Variants in WDR59 observed in about 807,000 individuals in gnomAD.
WDR59 encodes the protein GATOR2 complex protein WDR59.
WDR59 carries 100 observed loss-of-function variants against 131.2 expected under a neutral mutation model. The ratio of observed to expected loss-of-function variants is 0.76; its 90% confidence interval spans 0.65 to 0.90. The LOEUF is 0.90. WDR59 is among the 40% of genes least tolerant of loss of function. WDR59 has a pLI of 0.00. For synonymous variants in WDR59, 601 were observed against 466.2 expected (o/e 1.29, Z -3.72); for missense variants, 1,203 against 1,262.2 (o/e 0.95, Z 0.71).
intron 25 of WDR59, among the ~76,000 whole-genome samples, chr16:74,884,757 C>T (rs1255206977): frequency 1.3e-5 from 2 of 152,326 alleles, no homozygotes; most frequent in East Asian, 1.9e-4. Flanking sequence ...AACCACACCA[C>T]GCCACCTTCC....
chr16:74,981,641 T>TATATATATAC (rs2034421149), intron 1 of WDR59, among the ~76,000 whole-genome samples: 7 of 50,212 alleles, frequency 1.4e-4, no homozygotes, highest in East Asian at 8.2e-4. Context: ...TATATATATA[T>TATATATATAC]ATATATATAT....
intron 6 of WDR59, among the ~76,000 whole-genome samples, chr16:74,945,292 C>T (rs533329288): frequency 2.0e-5 from 3 of 151,218 alleles, no homozygotes; most frequent in South Asian, 2.1e-4. Context: ...CTGGCTAACA[C>T]AGTGAAACCC....
In WDR59 at chr16:74,904,312, G is replaced by A; in HGVS notation, c.1713-212C>T. On this transcript the variant is annotated intron_variant, in intron 17 of 25. Transcript: ENST00000262144. Reference sequence around the variant, plus strand: ...TGATTACAGACATAAAAAATTCAAAGGAATCTACAAACTACTAGAATAAGT... The same window carrying A: ...TGATTACAGACATAAAAAATTCAAAAGAATCTACAAACTACTAGAATAAGT... 7.5e-6 allele frequency: 4 copies of A among 533,436 alleles called. No individual in the cohort carries two copies. In the East Asian group the frequency reaches 1.0e-4, roughly 14 times the overall value. The allele number at this position is 533,436 out of a possible 1,614,324, so 33.0% of individuals were successfully genotyped here. A position where few individuals can be genotyped will look rare whatever the true frequency, so the allele number is the denominator to read the frequency against.
At chr16:74,920,967 C>A (rs1293884737) in intron 10 of WDR59, among the ~76,000 whole-genome samples, 2 of 152,034 alleles carry the variant, frequency 1.3e-5, no homozygotes, top group Non-Finnish European at 2.9e-5. Context: ...CTCTTGGCAT[C>A]GTTTTCTTTC....
intron 2 of WDR59, chr16:74,963,034 T>C (rs575580966): frequency 5.9e-5 from 9 of 152,268 alleles, no homozygotes; most frequent in East Asian, 3.9e-4. Context: ...GGTGGGTGGA[T>C]TGTCTGAGTT....
chr16:74,966,391 A>G (rs1039948737), intron 1 of WDR59, among the ~76,000 whole-genome samples: 3 of 152,086 alleles, frequency 2.0e-5, no homozygotes, highest in Non-Finnish European at 2.9e-5. Flanking sequence ...GAGGCAGGAG[A>G]ATCGCTTGAA....
chr16:74,964,849 G>A (rs1490320148), intron 2 of WDR59, among the ~76,000 whole-genome samples: 4 of 152,074 alleles, frequency 2.6e-5, no homozygotes, highest in Non-Finnish European at 5.9e-5. Flanking sequence ...GATCACCTGA[G>A]GTCAGGAGTT....
At chr16:74,984,938 A>G (rs764988467) in intron 1 of WDR59, 26 bp downstream of exon 1, 1 of 1,600,746 alleles carries the variant, frequency 6.2e-7, no homozygotes, top group Admixed American at 1.7e-5. Flanking sequence ...GCATGCCCAG[A>G]GGGCTCCACT....
In WDR59 at chr16:74,929,160, G is replaced by A. The variant is rs199650018; in HGVS notation, c.652-5157C>T. Among the ~76,000 whole-genome samples the A allele has an allele frequency of 7.8e-4, 119 of 152,084 alleles. 1 individual carries two copies. In the East Asian group the frequency reaches 0.011, roughly 14 times the overall value. The stretch of plus-strand genomic sequence containing the variant: ...TACAATCTCCGCTCACGGCAAGCTC[G>A]TCCTCCCGGGTTCATGCCATTCTCC... On this transcript the variant is annotated intron_variant, in intron 8 of 25. Transcript: ENST00000262144.
chr16:74,908,637 G>C, intron 17 of WDR59: 1 of 359,602 alleles, frequency 2.8e-6, no homozygotes, highest in Non-Finnish European at 4.9e-6. Context: ...CTAGCAATAG[G>C]GGAAAGGCAC....
intron 12 of WDR59, 40 bp from the exon 13 acceptor site, chr16:74,916,034 G>T: frequency 6.2e-7 from 1 of 1,613,910 alleles, no homozygotes. Context: ...AAGCATTTTT[G>T]AAAATGAAAC....
chr16:74,977,165 G>A (rs1472485249), intron 1 of WDR59, among the ~76,000 whole-genome samples: 2 of 151,894 alleles, frequency 1.3e-5, no homozygotes, highest in African/African-American at 4.8e-5. Context: ...GAGACCAGGA[G>A]TTCAAGGAGG....
rs753502583 is a variant in WDR59, at chr16:74,951,486, T to C, written c.298A>G (p.Thr100Ala). Residue 100 changes from threonine (T) to alanine (A), a missense_variant, in exon 4 of 26, where the codon ACC (threonine) becomes GCC (alanine). Thr to Ala is a moderately conservative substitution (Grantham distance 58). Coordinates refer to ENST00000262144, the MANE Select transcript of WDR59 (RefSeq NM_030581.4). ...WKDGSGEVGTTLQGHTRVISD... is the reference protein window; with the variant it reads ...WKDGSGEVGTALQGHTRVISD... Reference sequence around the variant, plus strand: ...ATGACACGAGTGTGGCCTTGTAAGGTTGTGCCAACTTCCCCACTGCCGTCT... The same window carrying C: ...ATGACACGAGTGTGGCCTTGTAAGGCTGTGCCAACTTCCCCACTGCCGTCT... The C allele has an allele frequency of 2.5e-6, 4 of 1,602,372 alleles. No individual in the cohort carries two copies. The East Asian group carries it at 6.7e-5, about 27-fold the overall frequency.
intron 1 of WDR59, among the ~76,000 whole-genome samples, chr16:74,980,536 T>G (rs1191263475): frequency 2.0e-5 from 3 of 151,860 alleles, no homozygotes; most frequent in African/African-American, 7.2e-5. Flanking sequence ...GTATTTTTAG[T>G]AGAGATGGGG....
chr16:74,949,986 T>G (rs748093087), intron 4 of WDR59, 188 bp from the exon 5 acceptor site: 7 of 650,856 alleles, frequency 1.1e-5, no homozygotes, highest in Admixed American at 2.1e-5. Flanking sequence ...AACTGTCAGG[T>G]CCTTCGCCAG....
Position 74,896,739 on chromosome 16 carries a change from G to T in WDR59, c.1867-2927C>A, listed in dbSNP as rs533156090. ...CCCAAAGCAGTTCATTTGCAAAACA[G>T]ACTAGCCCATTTGAAATTGACAAAT... On this transcript the variant is annotated intron_variant, in intron 18 of 25. Transcript: ENST00000262144. Among the ~76,000 whole-genome samples, 19 of 152,014 alleles carry T rather than the reference G, an allele frequency of 1.2e-4. No individual in the cohort carries two copies. In the South Asian group the frequency reaches 2.9e-3, roughly 23 times the overall value.
intron 11 of WDR59, 45 bp from the exon 12 acceptor site, chr16:74,916,304 A>T (rs771102244): frequency 1.2e-6 from 2 of 1,610,828 alleles, no homozygotes; most frequent in Admixed American, 3.3e-5. Flanking sequence ...AGTCCGTGGA[A>T]ATGATTGTCA....
At chr16:74,897,137 C>A (rs757739150) in intron 18 of WDR59, among the ~76,000 whole-genome samples, 31 of 152,250 alleles carry the variant, frequency 2.0e-4, no homozygotes, top group Non-Finnish European at 3.1e-4. Flanking sequence ...GCCTGTCCAG[C>A]TCCACCCTTC....
intron 8 of WDR59, among the ~76,000 whole-genome samples, chr16:74,925,755 A>T (rs567730611): frequency 2.3e-4 from 35 of 149,496 alleles, no homozygotes; most frequent in Admixed American, 8.7e-4. Context: ...CAATGCTCGT[A>T]CAGTGGCTCA....
Sources: gnomAD v4.1 joint callset for allele counts (sites outside exome capture counted in the v4.1 genomes callset) on GRCh38, gnomAD v4.1.1 for gene constraint, MANE v1.5 for transcripts, NCBI Gene and HGNC (gene_info 2026-07-23, HGNC 2026-07-21) for gene names.